The following ATXN2 variants were observed in gnomAD, a reference collection of about 807,000 sequenced individuals.
The protein encoded by ATXN2 is ataxin 2.
In ATXN2, 37 loss-of-function variants were observed where a neutral mutation model predicts 138.6. The ratio of observed to expected loss-of-function variants is 0.27; its 90% CI spans 0.21 to 0.35. The LOEUF is 0.35. ATXN2 is among the 10% of genes least tolerant of loss of function. The pLI is 1.00. For missense variants in ATXN2, 1,216 were observed against 1,480.3 expected (o/e 0.82, Z 2.93); for synonymous variants, 549 against 543.7 (o/e 1.01, Z -0.13).
intron 9 of ATXN2, among the ~76,000 whole-genome samples, chr12:111,518,028 A>AAT (rs1489120812): frequency 1.3e-5 from 2 of 152,198 alleles, no homozygotes; most frequent in African/African-American, 4.8e-5. Context: ...GTACATCATG[A>AAT]ATATTTCATC....
Position 111,599,212 on chromosome 12 carries a change from G to C in ATXN2, c.-178C>G, listed in dbSNP as rs1381816563. The stretch of plus-strand genomic sequence containing the variant: ...GGAGAAGGAGGACGACGAAGGGGCG[G>C]GGAGGCCCGCCGAGACCAAGGAGCC... On this transcript the variant is annotated 5_prime_UTR_variant, in exon 1 of 25. Transcript: ENST00000673436. The C allele has an allele frequency of 8.3e-7, 1 of 1,203,142 alleles. No homozygotes were observed. Among genetic ancestry groups the C allele is most frequent in the South Asian group, 4.1e-5 (1 of 24,474 alleles). The allele number at this position is 1,203,142 out of a possible 1,614,324, so 74.5% of individuals were successfully genotyped here.
At chr12:111,522,109 C>T (rs1174274793) in intron 6 of ATXN2, among the ~76,000 whole-genome samples, 1 of 151,906 alleles carries the variant, frequency 6.6e-6, no homozygotes, top group Admixed American at 6.6e-5. Context: ...CTGTGCTACT[C>T]CAGGTAAGAC....
chr12:111,532,116 T>G (rs1286903562), intron 5 of ATXN2, among the ~76,000 whole-genome samples: 10 of 152,212 alleles, frequency 6.6e-5, no homozygotes, highest in Non-Finnish European at 1.5e-4. Flanking sequence ...CTCAGGAGGC[T>G]GAGGTGGGAG....
intron 10 of ATXN2, 73 bp from the exon 11 acceptor site, chr12:111,513,612 C>A: frequency 7.5e-7 from 1 of 1,330,996 alleles, no homozygotes; most frequent in African/African-American, 1.5e-5. Flanking sequence ...TAAATACACC[C>A]ATTCACACAC....
In ATXN2 at chr12:111,598,538, T is replaced by C; in HGVS notation, c.251+246A>G. 1.0e-6 allele frequency: 1 copy of C among 981,390 alleles called. No individual in the cohort carries two copies. The allele number at this position is 981,390 out of a possible 1,614,324, so 60.8% of individuals were successfully genotyped here. ...GAGGGGAGGCCGCCCGCTCCCTCCATCTTGACCGCCGGGGGAGGGGGCGGG... is the reference window on the plus strand; with the variant it reads ...GAGGGGAGGCCGCCCGCTCCCTCCACCTTGACCGCCGGGGGAGGGGGCGGG... On this transcript the variant is annotated intron_variant, in intron 1 of 24. Coordinates refer to ENST00000673436, the MANE Select transcript of ATXN2 (RefSeq NM_001372574.1). This position sits in a 1 kb window ranked among gnomAD's most constrained non-coding sequence, Gnocchi z 4.5.
chr12:111,514,058 C>A (rs563526939), intron 10 of ATXN2, among the ~76,000 whole-genome samples: 33 of 152,180 alleles, frequency 2.2e-4, no homozygotes, highest in African/African-American at 7.5e-4. Context: ...TATGTACATA[C>A]CCTTCTTAAA....
intron 1 of ATXN2, chr12:111,581,485 CA>C: frequency 1.0e-6 from 1 of 983,720 alleles, no homozygotes; most frequent in Non-Finnish European, 1.6e-6. Flanking sequence ...GGGCACCCCA[CA>C]ACCCTGCTCC....
At chr12:111,503,102 C>T (rs780274728) in intron 14 of ATXN2, among the ~76,000 whole-genome samples, 1 of 152,210 alleles carries the variant, frequency 6.6e-6, no homozygotes, top group African/African-American at 2.4e-5. Context: ...GCTATCAGCA[C>T]TCTGCATATG....
intron 5 of ATXN2, among the ~76,000 whole-genome samples, chr12:111,539,772 A>G (rs1454125525): frequency 6.7e-6 from 1 of 150,242 alleles, no homozygotes; most frequent in Non-Finnish European, 1.5e-5. Context: ...AAAAATAAAA[A>G]AAGAAAAAAG....
chr12:111,544,027 T>C (rs543986127), intron 5 of ATXN2, among the ~76,000 whole-genome samples: 2 of 152,220 alleles, frequency 1.3e-5, no homozygotes, highest in South Asian at 4.2e-4. Context: ...CAGTAAGCCA[T>C]GATCACACCA....
intron 6 of ATXN2, among the ~76,000 whole-genome samples, chr12:111,523,498 C>G (rs1393925255): frequency 1.3e-5 from 2 of 151,192 alleles, no homozygotes; most frequent in Admixed American, 1.3e-4. Flanking sequence ...CCGAGGTGGG[C>G]AGATCACCTG....
chr12:111,473,331 C>T (rs992950356), intron 18 of ATXN2, among the ~76,000 whole-genome samples: 2 of 149,948 alleles, frequency 1.3e-5, no homozygotes, highest in Non-Finnish European at 3.0e-5. Flanking sequence ...TAAGAACCAA[C>T]GACAAAAAAA....
intron 8 of ATXN2, among the ~76,000 whole-genome samples, chr12:111,519,059 G>A (rs1429008661): frequency 1.3e-5 from 2 of 152,148 alleles, no homozygotes; most frequent in Non-Finnish European, 2.9e-5. Flanking sequence ...CTTGCTCCAT[G>A]TTTCCTCTCT....
intron 1 of ATXN2, among the ~76,000 whole-genome samples, chr12:111,588,617 G>A (rs1166013562): frequency 6.7e-5 from 10 of 149,844 alleles, no homozygotes; most frequent in African/African-American, 9.8e-5. Context: ...GCGAGACTCC[G>A]TCTCGGAAAA....
At chr12:111,579,078 A>C (rs1883843827) in intron 1 of ATXN2, among the ~76,000 whole-genome samples, 1 of 152,174 alleles carries the variant, frequency 6.6e-6, no homozygotes, top group Non-Finnish European at 1.5e-5. Context: ...AAAATATAGC[A>C]GTCACTTTAG....
chr12:111,515,527 G>A (rs1488576261), intron 10 of ATXN2, among the ~76,000 whole-genome samples: 2 of 152,106 alleles, frequency 1.3e-5, no homozygotes, highest in Admixed American at 6.6e-5. Flanking sequence ...AAATTCATAT[G>A]TCGTTTTTAT....
intron 1 of ATXN2, among the ~76,000 whole-genome samples, chr12:111,569,039 AG>A (rs1883175639): frequency 6.6e-6 from 1 of 152,136 alleles, no homozygotes. Context: ...TGAGGTGGGA[AG>A]GCAACTCTAA....
At position 111,509,557 on chromosome 12, in the gene ATXN2, C is replaced by T. The variant is rs1879377920; in HGVS notation, c.1927G>A (p.Asp643Asn). Residue 643 changes from aspartate (D) to asparagine (N), a missense_variant, in exon 14 of 25, where the codon GAT becomes AAT. Asp to Asn is a conservative substitution (Grantham distance 23). This residue lies in a region of ATXN2 where 215 missense variants were observed against 210.0 expected (regional missense o/e 1.02). Coordinates refer to ENST00000673436, the MANE Select transcript of ATXN2 (RefSeq NM_001372574.1). ...QIDDLKKFKN[D>N]FRLQPSSTSE... ...GTTAGTACAATACTTACCCTAAAAT[C>T]ATTCTTAAATTTCTTTAAATCATCA... The T allele has an allele frequency of 1.2e-5, 17 of 1,451,468 alleles. No homozygotes were observed. Among genetic ancestry groups the T allele is most frequent in the Non-Finnish European group, 1.5e-5 (16 of 1,051,506 alleles). The allele number at this position is 1,451,468 out of a possible 1,614,324, so 89.9% of individuals were successfully genotyped here.
rs375641693 is a variant in ATXN2 at position 111,464,335 on chromosome 12, T to TTGTGTGTGTGTG, written c.2896+315_2896+326dup. Among the ~76,000 whole-genome samples, 6 of 105,838 alleles carry TTGTGTGTGTGTG rather than the reference T, an allele frequency of 5.7e-5. No homozygotes were observed. In the South Asian group the frequency reaches 1.1e-3, roughly 19 times the overall value. 69.4% of individuals were successfully genotyped at this position (105,838 alleles called of 152,430 possible). On this transcript the variant is annotated intron_variant, in intron 21 of 24. Transcript: ENST00000673436. ...AAGCTTGTGGCTTGGGTGTGTGTGT[T>TTGTGTGTGTGTG]TGTGTGTGTGTGTGTGTGTGTGTGT...
Sources: allele counts gnomAD v4.1 joint callset (sites outside exome capture counted in the v4.1 genomes callset), GRCh38; gene constraint gnomAD v4.1.1; regional missense constraint gnomAD v4.1.1; non-coding constraint Gnocchi (gnomAD v3.1); transcripts MANE v1.5; gene names NCBI Gene and HGNC (gene_info 2026-07-23, HGNC 2026-07-21).